The following DLC1 variants were observed in gnomAD, a reference collection of about 807,000 sequenced individuals.
DLC1 encodes rho GTPase-activating protein 7.
A neutral mutation model predicts 140.3 loss-of-function variants in DLC1; 54 were observed. The observed-to-expected ratio is 0.38, with a 90% confidence interval of 0.31 to 0.48. DLC1 has a LOEUF of 0.48. Ranked by LOEUF, DLC1 falls within the 20% of genes least tolerant of loss-of-function variation. DLC1 has a pLI of 0.96. For synonymous variants in DLC1, 986 were observed against 728.1 expected (o/e 1.35, Z -5.70); for missense variants, 2,536 against 1,907.0 (o/e 1.33, Z -6.14).
chr8:13,398,628 A>T (rs1032388743), intron 3 of DLC1, among the ~76,000 whole-genome samples: 3 of 128,418 alleles, frequency 2.3e-5, no homozygotes, highest in African/African-American at 9.2e-5. Context: ...AAAAAAAATT[A>T]GCCAGCCATG....
At chr8:13,575,761 C>G (rs1804815893) in intron 1 of DLC1, among the ~76,000 whole-genome samples, 1 of 152,186 alleles carries the variant, frequency 6.6e-6, no homozygotes, top group Non-Finnish European at 1.5e-5. Flanking sequence ...CACTGAACAC[C>G]TTGTTTGAGA....
At chr8:13,286,343 C>T (rs908138229) in intron 5 of DLC1, among the ~76,000 whole-genome samples, 6 of 152,012 alleles carry the variant, frequency 3.9e-5, no homozygotes, top group African/African-American at 1.2e-4. Flanking sequence ...ATATGTATAT[C>T]GAAATGACAT....
rs529379590 is a variant in DLC1 at position 13,545,980 on chromosome 8, T to A, written c.-125-45784A>T. 7.9e-5 allele frequency among the ~76,000 whole-genome samples: 12 copies of A among 152,262 alleles called. No homozygotes were observed. In the South Asian group the frequency reaches 2.1e-3, roughly 26 times the overall value. On this transcript the variant is annotated intron_variant, in intron 1 of 1. Coordinates refer to the DLC1 transcript ENST00000631382. ...TGGGATACCAGCCAAGCAGAATAAT[T>A]CACAAGTTATTAGATACGTGCGTTG...
intron 2 of DLC1, among the ~76,000 whole-genome samples, chr8:13,440,532 G>T (rs997456092): frequency 5.3e-5 from 8 of 151,438 alleles, no homozygotes; most frequent in Admixed American, 5.3e-4. Flanking sequence ...AAGATATTTT[G>T]CTCTTTTTTT....
chr8:13,086,064 G>T, intron 17 of DLC1, 133 bp from the exon 18 acceptor site: 1 of 1,427,316 alleles, frequency 7.0e-7, no homozygotes. Flanking sequence ...TCATGGCCGA[G>T]CTACCATATT....
intron 1 of DLC1, among the ~76,000 whole-genome samples, chr8:13,591,139 A>G (rs1236381281): frequency 3.9e-5 from 6 of 152,074 alleles, no homozygotes; most frequent in African/African-American, 1.4e-4. Context: ...TCAAAGTGTG[A>G]TGAGAAATTT....
chr8:13,144,217 G>C (rs1823247004), intron 5 of DLC1, among the ~76,000 whole-genome samples: 1 of 152,142 alleles, frequency 6.6e-6, no homozygotes, highest in African/African-American at 2.4e-5. Context: ...TTCTCTTCTG[G>C]GGTTGGGTCA....
At chr8:13,168,177 A>G (rs182096369) in intron 5 of DLC1, among the ~76,000 whole-genome samples, 136 of 152,342 alleles carry the variant, frequency 8.9e-4, no homozygotes, top group African/African-American at 3.1e-3. Flanking sequence ...TAAAACGTCT[A>G]TCTCTAAGGC....
intron 5 of DLC1, among the ~76,000 whole-genome samples, chr8:13,219,659 A>G (rs1211502839): frequency 6.6e-6 from 1 of 151,922 alleles, no homozygotes; most frequent in Non-Finnish European, 1.5e-5. Flanking sequence ...CTATATATCT[A>G]TATCTATATC....
Position 13,141,256 on chromosome 8 carries a change from C to CAAAAAAAAAAAAAA in DLC1, c.1349-25613_1349-25600dup, listed in dbSNP as rs34321250. 1.7e-3 allele frequency among the ~76,000 whole-genome samples: 106 copies of CAAAAAAAAAAAAAA among 63,734 alleles called. 4 individuals are homozygous for CAAAAAAAAAAAAAA. Among genetic ancestry groups the CAAAAAAAAAAAAAA allele is most frequent in the East Asian group, 3.7e-3 (9 of 2,440 alleles). The allele number at this position is 63,734 out of a possible 152,430, so 41.8% of individuals were successfully genotyped here. Reference sequence around the variant, plus strand: ...GGTGACACAGTGCAAGAGTCTGTCTCAAAAAAAAAAAAAAAAAAAAAAAAA... The same window carrying CAAAAAAAAAAAAAA: ...GGTGACACAGTGCAAGAGTCTGTCTCAAAAAAAAAAAAAAAAAAAAAAAAAAAAAAAAAAAAAAA... On this transcript the variant is annotated intron_variant, in intron 5 of 17. Transcript: ENST00000276297.
chr8:13,087,153 C>A (rs568547798), intron 16 of DLC1, among the ~76,000 whole-genome samples: 1 of 152,090 alleles, frequency 6.6e-6, no homozygotes, highest in Non-Finnish European at 1.5e-5. Flanking sequence ...GTAATCCCGG[C>A]GCTTTGGGAG....
At chr8:13,238,829 C>T (rs143711446) in intron 5 of DLC1, among the ~76,000 whole-genome samples, 5 of 152,068 alleles carry the variant, frequency 3.3e-5, no homozygotes, top group South Asian at 2.1e-4. Context: ...TGCTCTCTGA[C>T]GCGTGCTTCC....
At chr8:13,183,538 T>A (rs868231881) in intron 5 of DLC1, among the ~76,000 whole-genome samples, 10 of 152,204 alleles carry the variant, frequency 6.6e-5, no homozygotes, top group Non-Finnish European at 5.9e-5. Flanking sequence ...GCTGTTGAAT[T>A]TTGTTGAAGG....
intron 5 of DLC1, among the ~76,000 whole-genome samples, chr8:13,264,950 A>T (rs563302153): frequency 6.6e-6 from 1 of 152,356 alleles, no homozygotes; most frequent in Admixed American, 6.5e-5. Context: ...ACTTTACAAA[A>T]GCAATTAGTA....
Position 13,100,318 on chromosome 8 carries a change from G to C in DLC1, c.2019C>G (p.Ser673Arg). ...TGTGATGGGAGCTCTTGAGCTTCAG[G>C]CTCTCCATCCGTTTCAGCAGACTGC... ...KTRSLLKRMESLKLKSSHHSK... is the reference protein window; with the variant it reads ...KTRSLLKRMERLKLKSSHHSK... Residue 673 changes from serine (S) to arginine (R), a missense_variant, in exon 9 of 18, where the codon AGC becomes AGG. Ser to Arg is a moderately radical substitution (Grantham distance 110). Coordinates refer to ENST00000276297, the MANE Select transcript of DLC1 (RefSeq NM_182643.3). The C allele has an allele frequency of 6.2e-7, 1 of 1,614,120 alleles. No individual in the cohort carries two copies. The highest frequency in any genetic ancestry group is 8.5e-7 in the Non-Finnish European group (1 of 1,180,034).
intron 1 of DLC1, among the ~76,000 whole-genome samples, chr8:13,565,314 A>C (rs1804387858): frequency 6.6e-6 from 1 of 152,226 alleles, no homozygotes; most frequent in Admixed American, 6.5e-5. Context: ...TTTTATTTTA[A>C]GTATAGCTCC....
intron 1 of DLC1, among the ~76,000 whole-genome samples, chr8:13,520,435 G>A (rs889277607): frequency 1.3e-5 from 2 of 151,992 alleles, no homozygotes; most frequent in Non-Finnish European, 2.9e-5. Context: ...GGAACTCACG[G>A]ACACAGGGAG....
chr8:13,354,087 G>A (rs1834811136), intron 4 of DLC1, among the ~76,000 whole-genome samples: 1 of 150,908 alleles, frequency 6.6e-6, no homozygotes, highest in South Asian at 2.1e-4. Flanking sequence ...TTGCCCTTCA[G>A]ACCTTCAAAC....
In DLC1 at chr8:13,100,425, C is replaced by T. The variant is rs533131857; in HGVS notation, c.1912G>A (p.Gly638Ser). 7 of 1,613,982 alleles carry T rather than the reference C, an allele frequency of 4.3e-6. No homozygotes were observed. Among genetic ancestry groups the T allele is most frequent in the Middle Eastern group, 1.6e-4 (1 of 6,062 alleles). ...SNLAGNDDSF[G>S]SLPSPKELSS... ...AGTTCCTTGGGAGAGGGCAGGCTGCCGAAAGAGTCGTCATTGCCTGCCAAG... is the reference window on the plus strand; with the variant it reads ...AGTTCCTTGGGAGAGGGCAGGCTGCTGAAAGAGTCGTCATTGCCTGCCAAG... Residue 638 changes from glycine to serine, a missense_variant, in exon 9 of 18, where the codon GGC (glycine) becomes AGC (serine). Physicochemically the swap from Gly to Ser is moderately conservative, Grantham distance 56 (BLOSUM62 0). Transcript: ENST00000276297.
Sources: allele counts gnomAD v4.1 joint callset (sites outside exome capture counted in the v4.1 genomes callset), GRCh38; gene constraint gnomAD v4.1.1; transcripts MANE v1.5; gene names NCBI Gene and HGNC (gene_info 2026-07-23, HGNC 2026-07-21).